Variants in FAM13B observed in about 807,000 individuals in gnomAD.
The protein encoded by FAM13B is protein FAM13B.
Under a neutral mutation model 117.3 loss-of-function variants are expected in FAM13B, and 60 were observed. The observed-to-expected ratio is 0.51, with a 90% CI of 0.42 to 0.63. The LOEUF (loss-of-function observed/expected upper bound fraction) is 0.63, where lower values mean the gene tolerates loss of function less well. FAM13B is among the 30% of genes least tolerant of loss of function. The pLI, the probability that FAM13B is intolerant of heterozygous loss-of-function variation, is 0.00. For missense variants in FAM13B, 972 were observed against 1,091.9 expected, an observed-to-expected ratio of 0.89 and a Z score of 1.55; for synonymous variants, 332 against 356.1, an observed-to-expected ratio of 0.93 and a Z score of 0.76.
In FAM13B at chr5:137,939,904, C is replaced by A; in HGVS notation, c.*321G>T. On this transcript the variant is annotated 3_prime_UTR_variant, in exon 24 of 24. Coordinates refer to ENST00000689681, the MANE Select transcript of FAM13B (RefSeq NM_001385994.1). ...GGTAATAACAAAAAGCTTGCATTTC[C>A]AAAGTTCTTGAAGTTGAAAGGATAA... The A allele has an allele frequency of 7.5e-7, 1 of 1,327,324 alleles. No individual in the cohort carries two copies. Among genetic ancestry groups the A allele is most frequent in the East Asian group, 2.9e-5 (1 of 34,750 alleles). The allele number at this position is 1,327,324 out of a possible 1,614,324, so 82.2% of individuals were successfully genotyped here.
intron 1 of FAM13B, among the ~76,000 whole-genome samples, chr5:138,027,131 G>C (rs1194153912): frequency 6.6e-6 from 1 of 152,000 alleles, no homozygotes; most frequent in Non-Finnish European, 1.5e-5. Context: ...GACTCAAAAA[G>C]ATGTGCCAAG....
intron 7 of FAM13B, among the ~76,000 whole-genome samples, chr5:137,993,977 A>G (rs981237828): frequency 3.3e-5 from 5 of 152,194 alleles, no homozygotes; most frequent in Admixed American, 2.0e-4. Flanking sequence ...CAGCCTCCAA[A>G]AAGAATAAAG....
intron 20 of FAM13B, 111 bp from the exon 21 acceptor site, chr5:137,943,327 C>T: frequency 1.2e-6 from 1 of 829,072 alleles, no homozygotes; most frequent in Non-Finnish European, 1.9e-6. Flanking sequence ...AAATCTTAAA[C>T]ATTTGCTTTA....
intron 13 of FAM13B, among the ~76,000 whole-genome samples, chr5:137,957,265 G>C (rs1766826072): frequency 6.6e-6 from 1 of 152,086 alleles, no homozygotes. Flanking sequence ...CTCCTGGCCG[G>C]GCACGGTGGC....
rs1782683151 is a variant in FAM13B at position 138,006,849 on chromosome 5, T to C, written c.848+141A>G. 10 of 766,326 alleles carry C rather than the reference T, an allele frequency of 1.3e-5. No individual in the cohort carries two copies. The South Asian group carries it at 2.7e-4, about 21-fold the overall frequency. The allele number at this position is 766,326 out of a possible 1,614,324, so 47.5% of individuals were successfully genotyped here. ...AAATTCCTTAGCAAGACTGCATCTTTAAATTTTACTTCTTGCTCTTTTTCA... is the reference window on the plus strand; with the variant it reads ...AAATTCCTTAGCAAGACTGCATCTTCAAATTTTACTTCTTGCTCTTTTTCA... On this transcript the variant is annotated intron_variant, in intron 7 of 23. Coordinates refer to ENST00000689681, the MANE Select transcript of FAM13B (RefSeq NM_001385994.1).
At chr5:138,003,425 T>C (rs780306792) in intron 7 of FAM13B, among the ~76,000 whole-genome samples, 2 of 152,180 alleles carry the variant, frequency 1.3e-5, no homozygotes, top group East Asian at 3.8e-4. Context: ...ACCAAAAAAG[T>C]AGTCATGGGT....
chr5:138,012,978 C>T lies in FAM13B; in HGVS notation c.371-1033G>A, dbSNP rs115131099. On this transcript the variant is annotated intron_variant, in intron 4 of 23. Transcript: ENST00000689681. The stretch of plus-strand genomic sequence containing the variant: ...CAGCACTTTGAGAGGCTGAGACAGG[C>T]GCATCACCTGAGCTCAGGAGTTCGA... Among the ~76,000 whole-genome samples, 68 of 147,488 alleles carry T rather than the reference C, an allele frequency of 4.6e-4. 1 individual carries two copies. The highest frequency in any genetic ancestry group is 1.7e-3 in the African/African-American group (66 of 39,918).
chr5:137,994,229 G>T (rs898087175), intron 7 of FAM13B, among the ~76,000 whole-genome samples: 1 of 152,122 alleles, frequency 6.6e-6, no homozygotes, highest in Non-Finnish European at 1.5e-5. Context: ...CTTTTAATAA[G>T]GAGCCTCCCA....
intron 7 of FAM13B, among the ~76,000 whole-genome samples, chr5:137,993,550 G>A (rs1224741673): frequency 6.6e-6 from 1 of 151,894 alleles, no homozygotes; most frequent in Admixed American, 6.6e-5. Context: ...GGAGGCTGAG[G>A]CGGGCAGATC....
chr5:137,968,006 G>A (rs1468851112), intron 10 of FAM13B, among the ~76,000 whole-genome samples: 4 of 152,048 alleles, frequency 2.6e-5, no homozygotes, highest in African/African-American at 7.2e-5. Flanking sequence ...GGCGGATCAC[G>A]AAGTCAGGAG....
chr5:137,963,240 T>C lies in FAM13B; in HGVS notation c.1180-771A>G, dbSNP rs191504684. 2.0e-5 allele frequency among the ~76,000 whole-genome samples: 3 copies of C among 152,346 alleles called. No homozygotes were observed. The East Asian group carries it at 5.8e-4, about 29-fold the overall frequency. On this transcript the variant is annotated intron_variant, in intron 10 of 23. Coordinates refer to ENST00000689681, the MANE Select transcript of FAM13B (RefSeq NM_001385994.1). The stretch of plus-strand genomic sequence containing the variant: ...ACTACACATCTGTGAGGCTGTCTCA[T>C]ATGCTTCAACAAAACAATGTAACAG...
At chr5:137,976,398 T>C (rs370278166) in intron 10 of FAM13B, among the ~76,000 whole-genome samples, 13 of 152,216 alleles carry the variant, frequency 8.5e-5, no homozygotes, top group African/African-American at 2.9e-4. Context: ...ATAATTTCTA[T>C]CACTAAATGC....
upstream of FAM13B, among the ~76,000 whole-genome samples, chr5:138,033,344 T>TA (rs1790701228): frequency 6.6e-6 from 1 of 152,024 alleles, no homozygotes; most frequent in African/African-American, 2.4e-5. Context: ...AGAGGAAAGA[T>TA]AAAGGGAAAA....
At chr5:137,953,200 C>T (rs1765520648) in intron 16 of FAM13B, 136 bp downstream of exon 16, 1 of 926,882 alleles carries the variant, frequency 1.1e-6, no homozygotes, top group African/African-American at 1.7e-5. Context: ...AATCTCAGAT[C>T]TACATGATCA....
At chr5:137,966,838 G>A (rs1255614222) in intron 10 of FAM13B, among the ~76,000 whole-genome samples, 1 of 151,964 alleles carries the variant, frequency 6.6e-6, no homozygotes, top group African/African-American at 2.4e-5. Context: ...ATGTATCCAG[G>A]CATTTAGTTT....
At chr5:138,040,251 A>C (rs544340046) in intron 1 of FAM13B, among the ~76,000 whole-genome samples, 37 of 103,168 alleles carry the variant, frequency 3.6e-4, no homozygotes, top group African/African-American at 1.4e-3. Context: ...CGACAGAGCA[A>C]GACTCTGTCT....
intron 2 of FAM13B, 135 bp from the exon 3 acceptor site, chr5:138,019,281 T>C (rs747881928): frequency 1.4e-6 from 1 of 708,548 alleles, no homozygotes; most frequent in African/African-American, 1.8e-5. Flanking sequence ...AGGCCCATAG[T>C]GTGTTCTACA....
At chr5:137,995,696 C>A (rs982245753) in intron 7 of FAM13B, among the ~76,000 whole-genome samples, 1 of 152,090 alleles carries the variant, frequency 6.6e-6, no homozygotes, top group Admixed American at 6.5e-5. Flanking sequence ...ATACCTATGA[C>A]AAGAGTATAT....
At chr5:138,024,995 T>C (rs558547256) in intron 1 of FAM13B, among the ~76,000 whole-genome samples, 1 of 151,948 alleles carries the variant, frequency 6.6e-6, no homozygotes, top group South Asian at 2.1e-4. Flanking sequence ...CTCAGCCTCC[T>C]GAGTAGTAGA....
Sources: allele counts gnomAD v4.1 joint callset (sites outside exome capture counted in the v4.1 genomes callset), GRCh38; gene constraint gnomAD v4.1.1; transcripts MANE v1.5; gene names NCBI Gene and HGNC (gene_info 2026-07-23, HGNC 2026-07-21).